Variants in CCNY observed in about 807,000 individuals in gnomAD.
The protein encoded by CCNY is cyclin-Y.
A neutral mutation model predicts 42.8 loss-of-function variants in CCNY; 19 were observed. The ratio of observed to expected loss-of-function variants is 0.44; its 90% CI spans 0.31 to 0.65. CCNY has a LOEUF of 0.65. Ranked by LOEUF, CCNY falls within the 30% of genes least tolerant of loss-of-function variation. CCNY has a pLI of 0.07. For missense variants in CCNY, 370 were observed against 437.3 expected, an observed-to-expected ratio of 0.85 and a Z score of 1.37; for synonymous variants, 165 against 162.7, an observed-to-expected ratio of 1.01 and a Z score of -0.11.
intron 3 of CCNY, among the ~76,000 whole-genome samples, chr10:35,288,782 T>C (rs1467087133): frequency 2.0e-5 from 3 of 152,218 alleles, no homozygotes; most frequent in Admixed American, 1.3e-4. Context: ...TGGAAATCAA[T>C]TGGCCAAATC....
intron 3 of CCNY, among the ~76,000 whole-genome samples, chr10:35,263,078 C>T (rs966210231): frequency 1.3e-5 from 2 of 151,882 alleles, no homozygotes; most frequent in East Asian, 1.9e-4. Flanking sequence ...AAAAATTAGC[C>T]GGGCACGGTG....
chr10:35,465,309 G>C (rs531798355), intron 1 of CCNY, among the ~76,000 whole-genome samples: 37 of 151,428 alleles, frequency 2.4e-4, no homozygotes, highest in Admixed American at 1.1e-3. Context: ...GCTGGGGTCC[G>C]AGCACCGATA....
At chr10:35,395,275 C>A (rs1287927417) in intron 1 of CCNY, among the ~76,000 whole-genome samples, 1 of 152,120 alleles carries the variant, frequency 6.6e-6, no homozygotes, top group Non-Finnish European at 1.5e-5. Context: ...AAAGCCAGAG[C>A]TGGGTAGTAG....
chr10:35,459,518 G>A (rs1226280048), intron 1 of CCNY, among the ~76,000 whole-genome samples: 2 of 152,178 alleles, frequency 1.3e-5, no homozygotes, highest in Non-Finnish European at 2.9e-5. Context: ...CATCCCTTGT[G>A]TAGACTAATG....
chr10:35,451,408 C>T (rs1838912892), intron 1 of CCNY, among the ~76,000 whole-genome samples: 1 of 152,132 alleles, frequency 6.6e-6, no homozygotes, highest in Non-Finnish European at 1.5e-5. Context: ...GTGCCTCTGA[C>T]CAGAATGGGT....
intron 1 of CCNY, chr10:35,449,813 T>G (rs1445997519): frequency 6.1e-6 from 6 of 984,958 alleles, no homozygotes; most frequent in Non-Finnish European, 7.2e-6. Context: ...GAACGGACAG[T>G]AAGTTGAGAG....
At chr10:35,323,976 C>T (rs544092653) in intron 3 of CCNY, among the ~76,000 whole-genome samples, 41 of 150,926 alleles carry the variant, frequency 2.7e-4, no homozygotes, top group Non-Finnish European at 5.0e-4. Flanking sequence ...GCTGAGATCA[C>T]ACCACTGCAC....
chr10:35,492,918 T>C (rs972344482), intron 2 of CCNY, among the ~76,000 whole-genome samples: 2 of 152,068 alleles, frequency 1.3e-5, no homozygotes, highest in African/African-American at 4.8e-5. Context: ...CTATTCCGGG[T>C]CAGAACTCAG....
At chr10:35,327,765 T>A (rs915365661) in intron 3 of CCNY, 1 of 152,104 alleles carries the variant, frequency 6.6e-6, no homozygotes, top group Non-Finnish European at 1.5e-5. Context: ...GAGGTACGAG[T>A]CTTTCCTAAG....
intron 1 of CCNY, among the ~76,000 whole-genome samples, chr10:35,423,841 T>C (rs1266098803): frequency 6.6e-6 from 1 of 152,230 alleles, no homozygotes; most frequent in Non-Finnish European, 1.5e-5. Context: ...CTTACAATTA[T>C]CCGAAGGTCA....
chr10:35,519,130 G>C (rs1261718857), intron 4 of CCNY, among the ~76,000 whole-genome samples: 1 of 151,738 alleles, frequency 6.6e-6, no homozygotes, highest in Non-Finnish European at 1.5e-5. Flanking sequence ...ATTTTTAACA[G>C]ATCTTGATTG....
intron 2 of CCNY, among the ~76,000 whole-genome samples, chr10:35,492,006 T>C (rs573978059): frequency 3.9e-5 from 6 of 152,308 alleles, no homozygotes; most frequent in Admixed American, 2.6e-4. Context: ...GCTGCACCTA[T>C]ATGCCCTGAA....
At chr10:35,273,546 C>G (rs1176422269) in intron 3 of CCNY, among the ~76,000 whole-genome samples, 1 of 152,020 alleles carries the variant, frequency 6.6e-6, no homozygotes, top group African/African-American at 2.4e-5. Flanking sequence ...TACTTGTACT[C>G]TCTGGCCTGG....
intron 1 of CCNY, chr10:35,394,858 G>T (rs901827546): frequency 2.0e-6 from 2 of 985,050 alleles, no homozygotes; most frequent in Admixed American, 1.2e-4. Flanking sequence ...TTTCATCACG[G>T]GCCCTCTCCT....
chr10:35,391,316 G>A (rs950861017), intron 1 of CCNY, among the ~76,000 whole-genome samples: 3 of 152,196 alleles, frequency 2.0e-5, no homozygotes, highest in African/African-American at 4.8e-5. Context: ...ATGGGTATGA[G>A]GCAGAGTGGC....
At chr10:35,541,653 G>A (rs1403935691) in intron 7 of CCNY, among the ~76,000 whole-genome samples, 3 of 152,132 alleles carry the variant, frequency 2.0e-5, no homozygotes, top group Non-Finnish European at 2.9e-5. Flanking sequence ...TTCCTCCTCG[G>A]CCTCCCAGAG....
intron 3 of CCNY, among the ~76,000 whole-genome samples, chr10:35,288,693 A>G (rs1015555650): frequency 6.6e-6 from 1 of 152,156 alleles, no homozygotes; most frequent in African/African-American, 2.4e-5. Flanking sequence ...TTTTTTCCCC[A>G]TAAGGATGCC....
intron 3 of CCNY, among the ~76,000 whole-genome samples, chr10:35,302,109 C>T (rs1285417602): frequency 2.7e-5 from 4 of 150,498 alleles, no homozygotes; most frequent in African/African-American, 9.8e-5. Flanking sequence ...ACTACAGGCA[C>T]ACGCCACCAC....
At chr10:35,347,673 G>T (rs995309392) in intron 1 of CCNY, among the ~76,000 whole-genome samples, 4 of 152,044 alleles carry the variant, frequency 2.6e-5, no homozygotes, top group African/African-American at 7.3e-5. Context: ...GTATGGGTGG[G>T]TAGGATGAGT....
Sources: allele counts gnomAD v4.1 joint callset (sites outside exome capture counted in the v4.1 genomes callset), GRCh38; gene constraint gnomAD v4.1.1; transcripts MANE v1.5; gene names NCBI Gene and HGNC (gene_info 2026-07-23, HGNC 2026-07-21).